ARHGAP32: variants seen among roughly 807,000 people sequenced by gnomAD.
ARHGAP32 encodes Rho GTPase activating protein 32, also known as rho GTPase-activating protein 32.
A neutral mutation model predicts 186.5 loss-of-function variants in ARHGAP32; 51 were observed. The ratio of observed to expected loss-of-function variants is 0.27; its 90% CI spans 0.22 to 0.35. ARHGAP32 has a LOEUF of 0.35. Ranked by LOEUF, ARHGAP32 falls within the 10% of genes least tolerant of loss-of-function variation. The pLI is 1.00. For synonymous variants in ARHGAP32, 950 were observed against 964.3 expected, an observed-to-expected ratio of 0.99 and a Z score of 0.27; for missense variants, 2,186 against 2,623.5, an observed-to-expected ratio of 0.83 and a Z score of 3.64.
intron 11 of ARHGAP32, among the ~76,000 whole-genome samples, chr11:129,020,667 A>G (rs906473413): frequency 6.6e-6 from 1 of 152,126 alleles, no homozygotes; most frequent in African/African-American, 2.4e-5. Context: ...TATCAGGTTG[A>G]CGCTCACAAA....
At chr11:129,001,687 CCT>C (rs1436938386) in intron 11 of ARHGAP32, among the ~76,000 whole-genome samples, 1 of 152,088 alleles carries the variant, frequency 6.6e-6, no homozygotes, top group East Asian at 1.9e-4. Flanking sequence ...ATCTTTGCCC[CCT>C]CTAATTGTCC....
At chr11:129,185,940 T>A (rs1476894276) in intron 1 of ARHGAP32, among the ~76,000 whole-genome samples, 1 of 152,092 alleles carries the variant, frequency 6.6e-6, no homozygotes, top group Non-Finnish European at 1.5e-5. Flanking sequence ...AAGAAAAGTA[T>A]AGCGCAACTT....
chr11:129,211,502 T>G (rs1457185111), intron 1 of ARHGAP32, among the ~76,000 whole-genome samples: 1 of 152,214 alleles, frequency 6.6e-6, no homozygotes. Flanking sequence ...ATAGAACAGT[T>G]ATTCATTCCC....
At chr11:129,208,782 G>A (rs1944546103) in intron 1 of ARHGAP32, among the ~76,000 whole-genome samples, 1 of 150,714 alleles carries the variant, frequency 6.6e-6, no homozygotes, top group South Asian at 2.1e-4. Context: ...AACTAATATC[G>A]CAGTTTACTA....
chr11:129,184,048 C>T (rs551409144), intron 1 of ARHGAP32, among the ~76,000 whole-genome samples: 1 of 152,184 alleles, frequency 6.6e-6, no homozygotes, highest in South Asian at 2.1e-4. Flanking sequence ...AACTTAAAAG[C>T]AAGTGGTATC....
At chr11:129,275,570 A>C (rs913220519) in intron 1 of ARHGAP32, among the ~76,000 whole-genome samples, 1 of 152,220 alleles carries the variant, frequency 6.6e-6, no homozygotes, top group African/African-American at 2.4e-5. Context: ...TAAAAAAAAA[A>C]GTTAAGTCCT....
intron 1 of ARHGAP32, among the ~76,000 whole-genome samples, chr11:129,168,888 A>G (rs568504965): frequency 6.6e-6 from 1 of 152,330 alleles, no homozygotes; most frequent in African/African-American, 2.4e-5. Context: ...TTTGGAAATA[A>G]AGAAACACAA....
intron 2 of ARHGAP32, among the ~76,000 whole-genome samples, chr11:129,144,086 G>A (rs546716444): frequency 6.6e-6 from 1 of 152,222 alleles, no homozygotes; most frequent in South Asian, 2.1e-4. Context: ...TATGTCACAA[G>A]GAATTCAAAT....
At chr11:129,045,208 C>A (rs1312814516) in intron 10 of ARHGAP32, among the ~76,000 whole-genome samples, 1 of 152,224 alleles carries the variant, frequency 6.6e-6, no homozygotes, top group Non-Finnish European at 1.5e-5. Flanking sequence ...CATGTAAACA[C>A]AGCTCTGCTA....
chr11:128,969,022 G>C lies in ARHGAP32; in HGVS notation c.6191C>G (p.Pro2064Arg). ...FGGGGMGTYV[P>R]PGFPHPQSRT... is the part of the protein sequence containing the mutation. ...GCTCTGTGGATGGGGAAAGCCAGGG[G>C]GCACATACGTCCCCATGCCGCCCCC... is the stretch of plus-strand genomic sequence containing the variant. Residue 2064 changes from proline to arginine, a missense_variant, in exon 23 of 23, where the codon CCC becomes CGC. Physicochemically the swap from Pro to Arg is moderately radical, Grantham distance 103 (BLOSUM62 -2). Transcript: ENST00000682385. The surrounding 1 kb of genome is among the most constrained non-coding windows in gnomAD (Gnocchi z 4.8). 1.9e-6 allele frequency: 3 copies of C among 1,611,582 alleles called. No homozygotes were observed. The highest frequency in any genetic ancestry group is 2.5e-6 in the Non-Finnish European group (3 of 1,178,388).
At chr11:129,240,170 A>G (rs1246880465) in intron 1 of ARHGAP32, among the ~76,000 whole-genome samples, 1 of 151,930 alleles carries the variant, frequency 6.6e-6, no homozygotes, top group Non-Finnish European at 1.5e-5. Context: ...CTCATCATAC[A>G]ATATACCCCC....
chr11:129,003,875 T>C (rs1275441591), intron 11 of ARHGAP32, among the ~76,000 whole-genome samples: 2 of 152,122 alleles, frequency 1.3e-5, no homozygotes, highest in African/African-American at 4.8e-5. Context: ...GTTTAACTTG[T>C]ATCTGCCCTG....
intron 2 of ARHGAP32, among the ~76,000 whole-genome samples, chr11:129,140,426 G>A (rs1478926281): frequency 6.6e-6 from 1 of 152,196 alleles, no homozygotes; most frequent in Non-Finnish European, 1.5e-5. Flanking sequence ...AAGCCCTTAA[G>A]CTTGTGATAA....
At chr11:129,064,819 T>C (rs1250706482) in intron 8 of ARHGAP32, 22 bp downstream of exon 8, 1 of 1,533,832 alleles carries the variant, frequency 6.5e-7, no homozygotes, top group Non-Finnish European at 8.8e-7. Flanking sequence ...ACATTTTTCA[T>C]GAAAAGTGAA....
At chr11:129,114,327 T>G (rs1027880511) in intron 5 of ARHGAP32, among the ~76,000 whole-genome samples, 1 of 152,166 alleles carries the variant, frequency 6.6e-6, no homozygotes. Context: ...TCAATAAAGA[T>G]GAAGACTTTT....
At chr11:129,137,350 G>GT (rs992042244) in intron 2 of ARHGAP32, among the ~76,000 whole-genome samples, 3 of 151,824 alleles carry the variant, frequency 2.0e-5, no homozygotes, top group African/African-American at 7.2e-5. Context: ...TTGGGGTCAT[G>GT]TAAGTGTTAT....
chr11:128,979,400 A>G (rs1945648091), intron 18 of ARHGAP32, among the ~76,000 whole-genome samples: 1 of 152,202 alleles, frequency 6.6e-6, no homozygotes, highest in South Asian at 2.1e-4. Flanking sequence ...ATACAACCAC[A>G]TGAGGTAAGT....
chr11:129,102,658 G>A (rs1322078190), intron 5 of ARHGAP32, among the ~76,000 whole-genome samples: 2 of 152,120 alleles, frequency 1.3e-5, no homozygotes, highest in Non-Finnish European at 2.9e-5. Context: ...AAACTACAAT[G>A]AGATACCACT....
intron 6 of ARHGAP32, among the ~76,000 whole-genome samples, chr11:129,067,679 T>G (rs537756918): frequency 6.6e-6 from 1 of 152,150 alleles, no homozygotes; most frequent in African/African-American, 2.4e-5. Context: ...ATCCCGACTG[T>G]ATAGCATATA....
Sources: gnomAD v4.1 joint callset for allele counts (sites outside exome capture counted in the v4.1 genomes callset) on GRCh38, gnomAD v4.1.1 for gene constraint, Gnocchi (gnomAD v3.1) non-coding constraint, MANE v1.5 for transcripts, NCBI Gene and HGNC (gene_info 2026-07-23, HGNC 2026-07-21) for gene names.